The following EXD2 variants were observed in gnomAD, a reference collection of about 807,000 sequenced individuals.
EXD2 encodes the protein exonuclease 3'-5' domain-containing protein 2.
A neutral mutation model predicts 62.5 loss-of-function variants in EXD2; 40 were observed. That is an observed-to-expected ratio of 0.64 (90% CI 0.50 to 0.83). The LOEUF is 0.83. Ranked by LOEUF, EXD2 falls within the 40% of genes least tolerant of loss-of-function variation. The pLI is 0.00. For synonymous variants in EXD2, 239 were observed against 291.9 expected, an observed-to-expected ratio of 0.82 and a Z score of 1.85; for missense variants, 671 against 761.8, an observed-to-expected ratio of 0.88 and a Z score of 1.40.
chr14:69,240,878 T>C lies in EXD2; in HGVS notation c.1650-6T>C, dbSNP rs1334537753. ...CTCAGACACTTTGTTTTTCATGTTTTGGCAGAATCTCCAATGAAAACTATG... is the reference window on the plus strand; with the variant it reads ...CTCAGACACTTTGTTTTTCATGTTTCGGCAGAATCTCCAATGAAAACTATG... On this transcript the variant is annotated splice_polypyrimidine_tract_variant and splice_region_variant and intron_variant, in intron 9 of 9. Coordinates refer to ENST00000685843, the MANE Select transcript of EXD2 (RefSeq NM_001193360.2). 3 of 1,610,362 alleles carry C rather than the reference T, an allele frequency of 1.9e-6. No homozygotes were observed. Among genetic ancestry groups the C allele is most frequent in the South Asian group, 2.2e-5 (2 of 90,984 alleles).
Position 69,243,299 on chromosome 14 carries a change from TCTAAA to T in EXD2, c.*2201_*2205del. The T allele has an allele frequency of 6.6e-6, 1 of 152,350 alleles. No individual in the cohort carries two copies. The highest frequency in any genetic ancestry group is 6.5e-5 in the Admixed American group (1 of 15,304). The allele number at this position is 152,350 out of a possible 1,614,324, so 9.4% of individuals were successfully genotyped here. ...AGTAACAATGCTCATTACAGAAGAATCTAAACAAAGAATAAAAATTAGCCATCTTC... is the reference window on the plus strand; with the variant it reads ...AGTAACAATGCTCATTACAGAAGAATCAAAGAATAAAAATTAGCCATCTTC... On this transcript the variant is annotated 3_prime_UTR_variant, in exon 10 of 10. Coordinates refer to ENST00000685843, the MANE Select transcript of EXD2 (RefSeq NM_001193360.2).
intron 3 of EXD2, among the ~76,000 whole-genome samples, chr14:69,214,292 T>C (rs139169872): frequency 6.6e-6 from 1 of 152,312 alleles, no homozygotes; most frequent in African/African-American, 2.4e-5. Flanking sequence ...CAGAAAAATA[T>C]CTGGATAATA....
chr14:69,233,478 G>C (rs1036302506), intron 5 of EXD2, among the ~76,000 whole-genome samples: 1 of 151,932 alleles, frequency 6.6e-6, no homozygotes, highest in African/African-American at 2.4e-5. Flanking sequence ...TCAGGCTGGA[G>C]TGCAGTGGTG....
At chr14:69,238,025 G>A (rs561434296) in intron 9 of EXD2, 94 bp downstream of exon 9, 1 of 1,102,198 alleles carries the variant, frequency 9.1e-7, no homozygotes, top group Non-Finnish European at 1.3e-6. Context: ...GGCTGCTTAG[G>A]CACAGTGCCT....
chr14:69,201,673 T>G (rs1337830049), intron 1 of EXD2, among the ~76,000 whole-genome samples: 4 of 12,410 alleles, frequency 3.2e-4, no homozygotes, highest in Non-Finnish European at 4.9e-4. Flanking sequence ...GTTTTCTCTG[T>G]TTTTTTTTTT....
chr14:69,236,155 A>C lies in EXD2; in HGVS notation c.1156+3A>C. 6.2e-7 allele frequency: 1 copy of C among 1,611,528 alleles called. No homozygotes were observed. The highest frequency in any genetic ancestry group is 8.5e-7 in the Non-Finnish European group (1 of 1,177,608). On this transcript the variant is annotated splice_donor_region_variant and intron_variant, in intron 7 of 9. Coordinates refer to ENST00000685843, the MANE Select transcript of EXD2 (RefSeq NM_001193360.2). ...GTACCTGGACAAAGGCATTGGTGGT[A>C]TGAGATTCAGCTGTCCTTGTTTATC...
rs1215796570 is a variant in EXD2, at chr14:69,209,687, C to T, written c.217C>T (p.Arg73Trp). 9.7e-6 allele frequency: 15 copies of T among 1,550,492 alleles called. No individual in the cohort carries two copies. Among genetic ancestry groups the T allele is most frequent in the South Asian group, 5.9e-5 (5 of 84,054 alleles). The change falls in exon 3 of 10, where the codon CGG becomes TGG. Residue 73 changes from arginine to tryptophan, a missense_variant. By Grantham distance (101) the Arg-to-Trp change is moderately radical. Transcript: ENST00000685843. ...SSAPRSSWKE[R>W]ILKAKVVTVS... ...TGCCCCCAGATCCTCGTGGAAGGAA[C>T]GGATCCTTAAAGCAAAGGTGGTGAC... is the stretch of plus-strand genomic sequence containing the variant.
intron 3 of EXD2, among the ~76,000 whole-genome samples, chr14:69,211,913 C>T (rs939074403): frequency 6.6e-6 from 1 of 152,056 alleles, no homozygotes; most frequent in East Asian, 1.9e-4. Context: ...ATAATCTAAC[C>T]CCACCTCATT....
Position 69,241,660 on chromosome 14 carries a change from C to G in EXD2, c.*560C>G, listed in dbSNP as rs1022443276. 1 of 391,886 alleles carries G rather than the reference C, an allele frequency of 2.6e-6. No individual in the cohort carries two copies. Among genetic ancestry groups the G allele is most frequent in the Non-Finnish European group, 4.5e-6 (1 of 222,332 alleles). The allele number at this position is 391,886 out of a possible 1,614,324, so 24.3% of individuals were successfully genotyped here. On this transcript the variant is annotated 3_prime_UTR_variant, in exon 10 of 10. Coordinates refer to ENST00000685843, the MANE Select transcript of EXD2 (RefSeq NM_001193360.2). ...GTTGGGATCCATCCCATCTGGGTCACTTCAGTCTACTTCACGTACTTGAAA... is the reference window on the plus strand; with the variant it reads ...GTTGGGATCCATCCCATCTGGGTCAGTTCAGTCTACTTCACGTACTTGAAA...
chr14:69,225,682 A>G (rs1376629636), intron 3 of EXD2, among the ~76,000 whole-genome samples: 1 of 152,224 alleles, frequency 6.6e-6, no homozygotes, highest in African/African-American at 2.4e-5. Context: ...CTTTTTAATA[A>G]TGTTGATAAG....
chr14:69,233,473 C>G (rs1464452954), intron 5 of EXD2, among the ~76,000 whole-genome samples: 1 of 151,958 alleles, frequency 6.6e-6, no homozygotes, highest in Non-Finnish European at 1.5e-5. Context: ...GTCGCTCAGG[C>G]TGGAGTGCAG....
In EXD2 at chr14:69,242,585, A is replaced by T. The variant is rs913165403; in HGVS notation, c.*1485A>T. ...CATTCCCACTTGTCTTCAGGCAGGC[A>T]TTTCTGGGATCTAAACTAGAAATCC... On this transcript the variant is annotated 3_prime_UTR_variant, in exon 10 of 10. Coordinates refer to ENST00000685843, the MANE Select transcript of EXD2 (RefSeq NM_001193360.2). 2 of 152,210 alleles carry T rather than the reference A, an allele frequency of 1.3e-5. No homozygotes were observed. Among genetic ancestry groups the T allele is most frequent in the Non-Finnish European group, 2.9e-5 (2 of 68,070 alleles). 9.4% of individuals were successfully genotyped at this position (152,210 alleles called of 1,614,324 possible). A position where few individuals can be genotyped will look rare whatever the true frequency, so the allele number is the denominator to read the frequency against.
intron 2 of EXD2, among the ~76,000 whole-genome samples, chr14:69,208,432 G>A (rs546707562): frequency 1.5e-3 from 223 of 151,326 alleles, no homozygotes; most frequent in Middle Eastern, 0.01. Context: ...GGATGGTCTC[G>A]ATCTCCTGAC....
At chr14:69,232,893 T>C (rs971748257) in intron 5 of EXD2, among the ~76,000 whole-genome samples, 4 of 152,220 alleles carry the variant, frequency 2.6e-5, no homozygotes, top group Non-Finnish European at 5.9e-5. Flanking sequence ...AGTTTCTTTT[T>C]AAAAATCTCT....
intron 1 of EXD2, chr14:69,192,233 A>T (rs981521640): frequency 6.6e-6 from 1 of 152,228 alleles, no homozygotes; most frequent in Non-Finnish European, 1.5e-5. Flanking sequence ...AGCTTTTGAT[A>T]TGATTCCAAC....
rs779758573 is a variant in EXD2 at position 69,231,724 on chromosome 14, C to T, written c.717+1126C>T. Among the ~76,000 whole-genome samples, 11 of 151,998 alleles carry T rather than the reference C, an allele frequency of 7.2e-5. 1 individual carries two copies. The highest frequency in any genetic ancestry group is 4.1e-4 in the South Asian group (2 of 4,820). On this transcript the variant is annotated intron_variant, in intron 5 of 9. Coordinates refer to ENST00000685843, the MANE Select transcript of EXD2 (RefSeq NM_001193360.2). The stretch of plus-strand genomic sequence containing the variant: ...CTCTATCATCTGGCTCCTCCCAGGA[C>T]GGAGTGCACTCTAGGCCTGCTGCCC...
chr14:69,196,933 T>C (rs1004476834), intron 1 of EXD2, among the ~76,000 whole-genome samples: 1 of 152,182 alleles, frequency 6.6e-6, no homozygotes, highest in Admixed American at 6.6e-5. Context: ...TTTGTTTTTT[T>C]GAATAGAACC....
intron 1 of EXD2, among the ~76,000 whole-genome samples, chr14:69,196,846 T>C (rs879712478): frequency 5.9e-5 from 9 of 152,090 alleles, no homozygotes; most frequent in Non-Finnish European, 1.2e-4. Flanking sequence ...TAGTCTCAAA[T>C]TCCTGGCGTC....
chr14:69,240,762 A>T, intron 9 of EXD2, 122 bp from the exon 10 acceptor site: 1 of 730,656 alleles, frequency 1.4e-6, no homozygotes, highest in East Asian at 2.7e-5. Flanking sequence ...ACACCAAAGT[A>T]ACTAACCCTT....
Sources: gnomAD v4.1 joint callset for allele counts (sites outside exome capture counted in the v4.1 genomes callset) on GRCh38, gnomAD v4.1.1 for gene constraint, MANE v1.5 for transcripts, NCBI Gene and HGNC (gene_info 2026-07-23, HGNC 2026-07-21) for gene names.